The following CAST variants were observed in gnomAD, a reference collection of about 807,000 sequenced individuals.
The protein encoded by CAST is MIR583 host.
CAST carries 76 observed loss-of-function variants against 119.6 expected under a neutral mutation model. The ratio of observed to expected loss-of-function variants is 0.64; its 90% CI spans 0.53 to 0.77. The LOEUF (loss-of-function observed/expected upper bound fraction) is 0.77, where lower values mean the gene tolerates loss of function less well. CAST is among the 30% of genes least tolerant of loss of function. The pLI is 0.00. For missense variants in CAST, 953 were observed against 946.5 expected, an observed-to-expected ratio of 1.01 and a Z score of -0.09; for synonymous variants, 319 against 331.6, an observed-to-expected ratio of 0.96 and a Z score of 0.41.
the CAST span, among the ~76,000 whole-genome samples, chr5:96,262,701 T>C: frequency 1.3e-5 from 2 of 151,914 alleles, no homozygotes; most frequent in Non-Finnish European, 2.9e-5. Context: ...GGCTAATTTT[T>C]TGTGTGTGTA....
rs768012127 is a variant in CAST at position 96,763,171 on chromosome 5, G to T, written c.1932+799G>T. 1.7e-5 allele frequency: 13 copies of T among 780,654 alleles called. No individual in the cohort carries two copies. In the African/African-American group the frequency reaches 2.0e-4, roughly 12 times the overall value. 48.4% of individuals were successfully genotyped at this position (780,654 alleles called of 1,614,324 possible). A position where few individuals can be genotyped will look rare whatever the true frequency, so the allele number is the denominator to read the frequency against. On this transcript the variant is annotated intron_variant, in intron 25 of 31. Coordinates refer to ENST00000675179, the MANE Select transcript of CAST (RefSeq NM_001750.7). ...TTGATGTAGCATCAAAGCATATTTAGTGCTGTAGTCTGAGATTCTGATGGA... is the reference window on the plus strand; with the variant it reads ...TTGATGTAGCATCAAAGCATATTTATTGCTGTAGTCTGAGATTCTGATGGA...
the CAST span, chr5:96,432,234 G>C: frequency 1.0e-6 from 1 of 976,416 alleles, no homozygotes; most frequent in Non-Finnish European, 1.5e-6. Flanking sequence ...CGCGGGGATA[G>C]ATGGTCCCGT....
At chr5:96,515,668 T>C in the CAST span, among the ~76,000 whole-genome samples, 3 of 152,160 alleles carry the variant, frequency 2.0e-5, no homozygotes, top group Non-Finnish European at 4.4e-5. Flanking sequence ...CTCCCTTGCC[T>C]TCTGCCTTGC....
the CAST span, among the ~76,000 whole-genome samples, chr5:96,482,202 A>T: frequency 6.6e-6 from 1 of 152,164 alleles, no homozygotes. Flanking sequence ...TGTCAATATG[A>T]TCTTTCAAAC....
At chr5:96,526,077 G>A (rs1745594031), upstream of CAST, among the ~76,000 whole-genome samples, 1 of 152,132 alleles carries the variant, frequency 6.6e-6, no homozygotes, top group Admixed American at 6.5e-5. Context: ...TCAAATAACA[G>A]GTTTCACAAC....
chr5:96,180,623 GAA>G, the CAST span, among the ~76,000 whole-genome samples: 1 of 152,142 alleles, frequency 6.6e-6, no homozygotes, highest in Non-Finnish European at 1.5e-5. Flanking sequence ...AATAAGAACA[GAA>G]AGGGAAAGAC....
chr5:96,665,761 T>C (rs113960244), intron 1 of CAST, among the ~76,000 whole-genome samples: 10 of 138,892 alleles, frequency 7.2e-5, no homozygotes, highest in South Asian at 2.2e-4. Flanking sequence ...CACACACACA[T>C]ATACATACAC....
chr5:96,350,556 G>C, the CAST span, among the ~76,000 whole-genome samples: 1 of 152,220 alleles, frequency 6.6e-6, no homozygotes, highest in South Asian at 2.1e-4. Flanking sequence ...TGGGCAAATT[G>C]TAAGGGACAT....
intron 1 of CAST, among the ~76,000 whole-genome samples, chr5:96,551,933 C>T (rs1332815564): frequency 6.6e-6 from 1 of 152,038 alleles, no homozygotes. Flanking sequence ...TCTTAAAGAC[C>T]TACAAAGAAA....
the CAST span, among the ~76,000 whole-genome samples, chr5:96,075,559 C>T: frequency 6.6e-6 from 1 of 152,064 alleles, no homozygotes; most frequent in Non-Finnish European, 1.5e-5. Flanking sequence ...CCACAAACTG[C>T]CAATTAATTG....
chr5:95,984,220 G>T, the CAST span, among the ~76,000 whole-genome samples: 1 of 152,162 alleles, frequency 6.6e-6, no homozygotes, highest in Admixed American at 6.5e-5. Context: ...TGCTTGTTGA[G>T]GCTGGAGGTG....
At chr5:96,072,814 G>C in the CAST span, among the ~76,000 whole-genome samples, 4 of 152,176 alleles carry the variant, frequency 2.6e-5, no homozygotes, top group African/African-American at 9.7e-5. Flanking sequence ...TTAAGGCAGT[G>C]GTTTTCAACC....
rs529962732 is a variant in CAST at position 96,747,650 on chromosome 5, C to T, written c.1332+258C>T. Among the ~76,000 whole-genome samples, 13 of 152,232 alleles carry T rather than the reference C, an allele frequency of 8.5e-5. No individual in the cohort carries two copies. The South Asian group carries it at 1.7e-3, about 19-fold the overall frequency. Reference sequence around the variant, plus strand: ...TTTATTGCACACTAGAAACTGATGTCAAGAGGGCCCTTAAGTCAGATTAAG... The same window carrying T: ...TTTATTGCACACTAGAAACTGATGTTAAGAGGGCCCTTAAGTCAGATTAAG... On this transcript the variant is annotated intron_variant, in intron 18 of 31. Transcript: ENST00000675179.
the CAST span, among the ~76,000 whole-genome samples, chr5:96,176,639 G>A: frequency 6.6e-6 from 1 of 152,178 alleles, no homozygotes; most frequent in Non-Finnish European, 1.5e-5. Flanking sequence ...AATGCCACTT[G>A]AGATTTTGGC....
chr5:96,058,480 T>G, the CAST span, among the ~76,000 whole-genome samples: 1 of 152,002 alleles, frequency 6.6e-6, no homozygotes, highest in African/African-American at 2.4e-5. Context: ...CTTCATGTTT[T>G]CAAATCTCCT....
At chr5:96,748,055 T>C (rs1180750701) in intron 18 of CAST, among the ~76,000 whole-genome samples, 3 of 152,174 alleles carry the variant, frequency 2.0e-5, no homozygotes, top group Non-Finnish European at 4.4e-5. Context: ...CCTAAACTAA[T>C]ACCACTCTCC....
intron 1 of CAST, among the ~76,000 whole-genome samples, chr5:96,579,414 C>A (rs1193554112): frequency 1.3e-5 from 2 of 152,122 alleles, no homozygotes; most frequent in Non-Finnish European, 2.9e-5. Flanking sequence ...GGAGTGCTTC[C>A]CAGACACTTA....
chr5:96,694,331 T>C (rs1187100684), intron 2 of CAST, among the ~76,000 whole-genome samples: 1 of 152,200 alleles, frequency 6.6e-6, no homozygotes, highest in Non-Finnish European at 1.5e-5. Flanking sequence ...CATATCACCA[T>C]TTTACATTAT....
intron 2 of CAST, among the ~76,000 whole-genome samples, chr5:96,694,475 C>T (rs907499705): frequency 1.3e-5 from 2 of 152,006 alleles, no homozygotes; most frequent in South Asian, 2.1e-4. Context: ...ACTAAATATA[C>T]AAAAAATTAG....
Sources: allele counts gnomAD v4.1 joint callset (sites outside exome capture counted in the v4.1 genomes callset), GRCh38; gene constraint gnomAD v4.1.1; transcripts MANE v1.5; gene names NCBI Gene and HGNC (gene_info 2026-07-23, HGNC 2026-07-21).